COMMD10: variants seen among roughly 807,000 people sequenced by gnomAD.
The protein encoded by COMMD10 is COMM domain containing 10, also known as COMM domain-containing protein 10.
In COMMD10, 33 loss-of-function variants were observed where a neutral mutation model predicts 28.9. The ratio of observed to expected loss-of-function variants is 1.14; its 90% CI spans 0.87 to 1.53. The LOEUF (loss-of-function observed/expected upper bound fraction) is 1.53. COMMD10 is among the 40% of genes most tolerant of loss of function. COMMD10 has a pLI of 0.00. For missense variants in COMMD10, 310 were observed against 233.4 expected (o/e 1.33, Z -2.14); for synonymous variants, 110 against 81.7 (o/e 1.35, Z -1.87).
intron 5 of COMMD10, among the ~76,000 whole-genome samples, chr5:116,175,191 T>G (rs970017639): frequency 6.6e-6 from 1 of 152,154 alleles, no homozygotes; most frequent in Non-Finnish European, 1.5e-5. Context: ...TAATATATGA[T>G]ATATATATTT....
chr5:116,289,885 G>A (rs1453804994), intron 5 of COMMD10, among the ~76,000 whole-genome samples: 2 of 151,946 alleles, frequency 1.3e-5, no homozygotes, highest in East Asian at 3.9e-4. Context: ...CCTTAGTGGT[G>A]GAAAGAGGGC....
chr5:116,102,413 A>G (rs1350621455), intron 4 of COMMD10, among the ~76,000 whole-genome samples: 7 of 152,092 alleles, frequency 4.6e-5, no homozygotes, highest in Admixed American at 6.6e-5. Flanking sequence ...CTCTTGATCT[A>G]TGTGTCTATC....
rs190397397 is a variant in COMMD10, at chr5:116,213,233, C to A, written c.511-78284C>A. Among the ~76,000 whole-genome samples the A allele has an allele frequency of 4.0e-3, 613 of 152,136 alleles. 6 individuals are homozygous for A. Among genetic ancestry groups the A allele is most frequent in the Non-Finnish European group, 4.8e-3 (326 of 67,984 alleles). The stretch of plus-strand genomic sequence containing the variant: ...ATTAATGATTACTACTAAAGCAATT[C>A]TTAATAATTTTTCCACTAATAGGAG... On this transcript the variant is annotated intron_variant, in intron 5 of 6. Coordinates refer to ENST00000274458, the MANE Select transcript of COMMD10 (RefSeq NM_016144.4).
At chr5:116,251,137 CATT>C (rs1750102501) in intron 5 of COMMD10, among the ~76,000 whole-genome samples, 1 of 151,886 alleles carries the variant, frequency 6.6e-6, no homozygotes, top group Admixed American at 6.6e-5. Context: ...TATGCTTGTT[CATT>C]GTTTTCTGAA....
At chr5:116,260,140 A>G (rs1474240946) in intron 5 of COMMD10, among the ~76,000 whole-genome samples, 1 of 151,752 alleles carries the variant, frequency 6.6e-6, no homozygotes, top group African/African-American at 2.4e-5. Context: ...ATTCTTTTTT[A>G]AAGTAAAATG....
At chr5:116,154,129 G>A (rs549591026) in intron 5 of COMMD10, among the ~76,000 whole-genome samples, 17 of 152,084 alleles carry the variant, frequency 1.1e-4, no homozygotes, top group Admixed American at 4.6e-4. Flanking sequence ...CTCAAGCTGC[G>A]TTATTACTTA....
chr5:116,088,682 T>C (rs1272467775), intron 2 of COMMD10, among the ~76,000 whole-genome samples: 2 of 152,234 alleles, frequency 1.3e-5, no homozygotes, highest in South Asian at 2.1e-4. Flanking sequence ...GCATATACTC[T>C]TTCCCTTGCC....
At chr5:116,270,190 C>A (rs1305320835) in intron 5 of COMMD10, among the ~76,000 whole-genome samples, 1 of 151,864 alleles carries the variant, frequency 6.6e-6, no homozygotes, top group African/African-American at 2.4e-5. Flanking sequence ...GGATGAATGG[C>A]AGACTTTAAC....
chr5:116,176,368 C>T (rs1199679055), intron 5 of COMMD10, among the ~76,000 whole-genome samples: 1 of 152,156 alleles, frequency 6.6e-6, no homozygotes, highest in Admixed American at 6.6e-5. Flanking sequence ...CTCTCGTCGG[C>T]CTCCCAAAGT....
intron 5 of COMMD10, among the ~76,000 whole-genome samples, chr5:116,280,441 A>T (rs539396548): frequency 9.2e-5 from 14 of 151,746 alleles, no homozygotes; most frequent in Non-Finnish European, 1.6e-4. Context: ...AGAGAATCCT[A>T]TTCTCCCTCG....
At chr5:116,289,681 GTTC>G (rs942710131) in intron 5 of COMMD10, among the ~76,000 whole-genome samples, 1 of 151,826 alleles carries the variant, frequency 6.6e-6, no homozygotes, top group Admixed American at 6.6e-5. Context: ...GGGGTGGTGG[GTTC>G]TTCTTGGTTG....
intron 5 of COMMD10, among the ~76,000 whole-genome samples, chr5:116,282,429 G>A (rs1027190000): frequency 6.6e-6 from 1 of 151,804 alleles, no homozygotes; most frequent in Non-Finnish European, 1.5e-5. Context: ...GCCAAAGTAA[G>A]TTCTTAAATA....
intron 5 of COMMD10, among the ~76,000 whole-genome samples, chr5:116,258,874 C>A (rs1198626774): frequency 6.6e-6 from 1 of 151,340 alleles, no homozygotes; most frequent in East Asian, 1.9e-4. Context: ...GGGAAATTTT[C>A]TTCTTTCATT....
At chr5:116,271,079 C>T (rs561927273) in intron 5 of COMMD10, among the ~76,000 whole-genome samples, 3 of 151,330 alleles carry the variant, frequency 2.0e-5, no homozygotes, top group Non-Finnish European at 2.9e-5. Context: ...TTAGCTTTCC[C>T]CTTAAAGGCT....
At chr5:116,215,910 A>G (rs992709875) in intron 5 of COMMD10, among the ~76,000 whole-genome samples, 3 of 151,706 alleles carry the variant, frequency 2.0e-5, no homozygotes, top group African/African-American at 4.8e-5. Flanking sequence ...ATTGGAAAAT[A>G]TACTGAATAC....
intron 5 of COMMD10, among the ~76,000 whole-genome samples, chr5:116,245,678 G>A (rs556211534): frequency 6.6e-5 from 10 of 152,154 alleles, no homozygotes; most frequent in South Asian, 2.1e-4. Context: ...CTGCAAGGTC[G>A]GTTCAACATA....
chr5:116,269,566 G>A (rs116381892), intron 5 of COMMD10, among the ~76,000 whole-genome samples: 46 of 151,754 alleles, frequency 3.0e-4, no homozygotes, highest in African/African-American at 1.0e-3. Context: ...GCATTTCAAT[G>A]TTACTTTTTA....
intron 4 of COMMD10, among the ~76,000 whole-genome samples, chr5:116,128,788 G>A (rs192929740): frequency 1.3e-5 from 2 of 151,874 alleles, no homozygotes; most frequent in East Asian, 1.9e-4. Context: ...TGAAGTATAC[G>A]TGCCACTTAT....
At chr5:116,201,468 C>T (rs1748664064) in intron 5 of COMMD10, among the ~76,000 whole-genome samples, 1 of 152,176 alleles carries the variant, frequency 6.6e-6, no homozygotes, top group African/African-American at 2.4e-5. Context: ...CTGGCACTAG[C>T]TCCCATGGAG....
Sources: allele counts gnomAD v4.1 joint callset (sites outside exome capture counted in the v4.1 genomes callset), GRCh38; gene constraint gnomAD v4.1.1; transcripts MANE v1.5; gene names NCBI Gene and HGNC (gene_info 2026-07-23, HGNC 2026-07-21).